Variants in CPSF4L observed in about 807,000 individuals in gnomAD.
The protein encoded by CPSF4L is putative cleavage and polyadenylation specificity factor subunit 4-like protein.
Under a neutral mutation model 24.0 loss-of-function variants are expected in CPSF4L, and 18 were observed. That is an observed-to-expected ratio of 0.75 (90% CI 0.52 to 1.11). The LOEUF (loss-of-function observed/expected upper bound fraction) is 1.11, where lower values mean the gene tolerates loss of function less well. Ranked by LOEUF, CPSF4L falls within the 50% of genes least tolerant of loss-of-function variation. CPSF4L has a pLI of 0.00. For missense variants in CPSF4L, 211 were observed against 221.8 expected (o/e 0.95, Z 0.31); for synonymous variants, 72 against 77.2 (o/e 0.93, Z 0.35).
At chr17:73,245,717 C>A (rs944615538), downstream of CPSF4L, 1 of 985,226 alleles carries the variant, frequency 1.0e-6, no homozygotes, top group East Asian at 1.1e-4. Flanking sequence ...GATGGGCATT[C>A]GAGTTGCAGG....
intron 1 of CPSF4L, 94 bp downstream of exon 1, chr17:73,261,622 C>T (rs1237705621): frequency 1.3e-5 from 11 of 871,796 alleles, no homozygotes; most frequent in Non-Finnish European, 2.0e-5. Flanking sequence ...GATTGTGCCA[C>T]TACACTCCAG....
At chr17:73,245,586 T>G (rs778494615), downstream of CPSF4L, 10 of 985,256 alleles carry the variant, frequency 1.0e-5, no homozygotes, top group Non-Finnish European at 1.2e-5. Flanking sequence ...CTACTACCTA[T>G]ATGTTGATAC....
downstream of CPSF4L, chr17:73,248,080 G>A (rs2061976624): frequency 6.0e-6 from 1 of 166,686 alleles, no homozygotes; most frequent in Non-Finnish European, 1.3e-5. Flanking sequence ...AGCATGACGA[G>A]GAAGCACACT....
downstream of CPSF4L, chr17:73,247,405 C>T (rs1282177959): frequency 6.5e-7 from 1 of 1,535,920 alleles, no homozygotes; most frequent in African/African-American, 1.4e-5. Flanking sequence ...CCCTGTGTTG[C>T]CCACTGAATT....
Position 73,257,747 on chromosome 17 carries a change from G to C in CPSF4L, c.241C>G (p.His81Asp), listed in dbSNP as rs1368861896. The C allele has an allele frequency of 1.3e-6, 2 of 1,551,576 alleles. No individual in the cohort carries two copies. Among genetic ancestry groups the C allele is most frequent in the African/African-American group, 1.4e-5 (1 of 72,990 alleles). ...TCATACTGGTGCAGGAACTTGCAGT[G>C]ATCACCCTTCTTGCAGAGCCCCCGG... The part of the protein sequence containing the change: ...WLRGLCKKGD[H>D]CKFLHQYDLT... The change falls in exon 3 of 6, where the codon CAC (histidine) becomes GAC (aspartate). Residue 81 changes from histidine (H) to aspartate (D), a missense_variant. By Grantham distance (81) the His-to-Asp change is moderately conservative. Coordinates refer to ENST00000344935, the MANE Select transcript of CPSF4L (RefSeq NM_001129885.1).
intron 5 of CPSF4L, chr17:73,250,154 T>G: frequency 7.5e-7 from 1 of 1,324,930 alleles, no homozygotes; most frequent in Non-Finnish European, 1.0e-6. Context: ...ATACCCTGCT[T>G]AGGATGACAG....
downstream of CPSF4L, among the ~76,000 whole-genome samples, chr17:73,247,029 G>A (rs530662968): frequency 1.2e-4 from 19 of 152,144 alleles, no homozygotes; most frequent in East Asian, 1.5e-3. Flanking sequence ...CAGTTCCCTC[G>A]AGCAGGGGCA....
At chr17:73,258,931 A>G (rs2062034257) in intron 2 of CPSF4L, among the ~76,000 whole-genome samples, 1 of 152,218 alleles carries the variant, frequency 6.6e-6, no homozygotes, top group African/African-American at 2.4e-5. Context: ...CCAACTTTGT[A>G]ATGATTTATA....
chr17:73,242,806 C>A, the CPSF4L span: 3 of 946,744 alleles, frequency 3.2e-6, no homozygotes, highest in Non-Finnish European at 4.8e-6. Context: ...AGTTCCATCA[C>A]TCAGGCTAAC....
At chr17:73,244,744 G>C (rs761763558), downstream of CPSF4L, 35 of 154,886 alleles carry the variant, frequency 2.3e-4, no homozygotes, top group Non-Finnish European at 3.6e-4. Context: ...ATTGGGATTC[G>C]TTTGATGAAA....
chr17:73,244,559 C>CAAAAAAAAAAA (rs71154984), downstream of CPSF4L: 2 of 77,276 alleles, frequency 2.6e-5, no homozygotes, highest in Non-Finnish European at 4.7e-5. Context: ...AACTGCATCT[C>CAAAAAAAAAAA]AAAAAAAAAA....
chr17:73,252,835 A>G (rs1047561387), intron 4 of CPSF4L, 112 bp from the exon 5 acceptor site: 20 of 641,108 alleles, frequency 3.1e-5, no homozygotes, highest in Middle Eastern at 2.9e-4. Context: ...TTCACTTAAT[A>G]GGGGTGGATA....
intron 5 of CPSF4L, among the ~76,000 whole-genome samples, chr17:73,252,269 G>A (rs73358917): frequency 0.013 from 1,952 of 152,272 alleles, 39 homozygotes; most frequent in African/African-American, 0.045. Context: ...CATGCTCTGC[G>A]CCAGCCTGCT....
Position 73,252,734 on chromosome 17 carries a change from A to G in CPSF4L, c.404-11T>C. 1 of 1,532,958 alleles carries G rather than the reference A, an allele frequency of 6.5e-7. No individual in the cohort carries two copies. The highest frequency in any genetic ancestry group is 8.8e-7 in the Non-Finnish European group (1 of 1,132,542). The allele number at this position is 1,532,958 out of a possible 1,614,324, so 95.0% of individuals were successfully genotyped here. ...ATTTACACAGAGGACCTGCTGAGCAAAGAGAAAGTGATGAGAAGGATCCGC... is the reference window on the plus strand; with the variant it reads ...ATTTACACAGAGGACCTGCTGAGCAGAGAGAAAGTGATGAGAAGGATCCGC... On this transcript the variant is annotated splice_polypyrimidine_tract_variant and intron_variant, in intron 4 of 5. Transcript: ENST00000344935.
At chr17:73,252,869 A>C (rs1599411719) in intron 4 of CPSF4L, 146 bp from the exon 5 acceptor site, 6 of 586,072 alleles carry the variant, frequency 1.0e-5, no homozygotes. Flanking sequence ...TTTCTGTACC[A>C]CCCTAAAGCA....
chr17:73,242,251 G>T, the CPSF4L span: 1 of 1,582,032 alleles, frequency 6.3e-7, no homozygotes, highest in East Asian at 2.3e-5. Flanking sequence ...TAGTTTCTTT[G>T]TTGGAACGAA....
In CPSF4L at chr17:73,253,919, C is replaced by T. The variant is rs1397129162; in HGVS notation, c.403+12G>A. The T allele has an allele frequency of 1.9e-6, 3 of 1,543,198 alleles. No homozygotes were observed. In the Admixed American group the frequency reaches 5.9e-5, roughly 30 times the overall value. ...CACAGCCCCTAGGGCTCCCTGGCTT[C>T]CAAGGCCTCACCGTCCTTGCAGAAA... On this transcript the variant is annotated intron_variant, in intron 4 of 5. Transcript: ENST00000344935.
chr17:73,244,786 C>T (rs2061920440), downstream of CPSF4L: 2 of 168,008 alleles, frequency 1.2e-5, no homozygotes, highest in South Asian at 3.3e-4. Flanking sequence ...GTAGGTCCGA[C>T]AGCAGGAACA....
chr17:73,263,368 T>C (rs2062054077), upstream of CPSF4L, among the ~76,000 whole-genome samples: 1 of 152,040 alleles, frequency 6.6e-6, no homozygotes, highest in Non-Finnish European at 1.5e-5. Context: ...GTCCCTATCC[T>C]CAGAGATGGC....
Sources: gnomAD v4.1 joint callset for allele counts (sites outside exome capture counted in the v4.1 genomes callset) on GRCh38, gnomAD v4.1.1 for gene constraint, MANE v1.5 for transcripts, NCBI Gene and HGNC (gene_info 2026-07-23, HGNC 2026-07-21) for gene names.